PIP4K2A: variants seen among roughly 807,000 people sequenced by gnomAD.
The protein encoded by PIP4K2A is phosphatidylinositol-5-phosphate 4-kinase type 2 alpha.
PIP4K2A carries 14 observed loss-of-function variants against 42.9 expected under a neutral mutation model. The ratio of observed to expected loss-of-function variants is 0.33; its 90% CI spans 0.22 to 0.51. PIP4K2A has a LOEUF of 0.51. PIP4K2A is among the 20% of genes least tolerant of loss of function. The pLI is 0.97. For synonymous variants in PIP4K2A, 192 were observed against 192.2 expected (o/e 1.00, Z 0.01); for missense variants, 434 against 519.8 (o/e 0.83, Z 1.61).
chr10:22,550,262 G>A (rs960074857), intron 7 of PIP4K2A, among the ~76,000 whole-genome samples: 2 of 152,212 alleles, frequency 1.3e-5, no homozygotes, highest in Non-Finnish European at 2.9e-5. Context: ...TGCCAAGACT[G>A]TAATAGTGAC....
intron 1 of PIP4K2A, among the ~76,000 whole-genome samples, chr10:22,655,883 G>C (rs112425911): frequency 1.3e-5 from 2 of 152,092 alleles, no homozygotes; most frequent in African/African-American, 4.8e-5. Context: ...AGTGTGTTGT[G>C]CTGGGTGTGT....
chr10:22,664,228 T>TATACATATATATACACACAC (rs1554807358), intron 1 of PIP4K2A, among the ~76,000 whole-genome samples: 1 of 89,880 alleles, frequency 1.1e-5, no homozygotes, highest in African/African-American at 6.1e-5. Context: ...CATATATATA[T>TATACATATATATACACACAC]ACACACACAC....
intron 1 of PIP4K2A, among the ~76,000 whole-genome samples, chr10:22,645,672 G>T (rs995547049): frequency 6.6e-6 from 1 of 150,890 alleles, no homozygotes; most frequent in Admixed American, 6.6e-5. Flanking sequence ...TGAAAAACAT[G>T]AAGATAGTAC....
chr10:22,573,004 C>T (rs1252727747), intron 5 of PIP4K2A, among the ~76,000 whole-genome samples: 1 of 152,192 alleles, frequency 6.6e-6, no homozygotes, highest in East Asian at 1.9e-4. Flanking sequence ...CTGTCTTTAC[C>T]CACCAGAATG....
chr10:22,700,608 T>C (rs538443219), intron 1 of PIP4K2A, among the ~76,000 whole-genome samples: 3 of 152,344 alleles, frequency 2.0e-5, no homozygotes, highest in Admixed American at 6.5e-5. Context: ...CTCCCGCTAA[T>C]GCAGCCCCTT....
intron 1 of PIP4K2A, among the ~76,000 whole-genome samples, chr10:22,668,872 A>G (rs1000952818): frequency 6.6e-6 from 1 of 152,234 alleles, no homozygotes; most frequent in Non-Finnish European, 1.5e-5. Flanking sequence ...TAAAGAAAAA[A>G]TACCAAATAA....
At chr10:22,608,183 C>G (rs1322569400) in intron 2 of PIP4K2A, among the ~76,000 whole-genome samples, 160 bp from the exon 3 acceptor site, 1 of 152,214 alleles carries the variant, frequency 6.6e-6, no homozygotes, top group Non-Finnish European at 1.5e-5. Flanking sequence ...GCAGAAAGAT[C>G]CAGGAGACAC....
intron 1 of PIP4K2A, among the ~76,000 whole-genome samples, chr10:22,669,176 T>C (rs1482779709): frequency 1.3e-5 from 2 of 152,106 alleles, no homozygotes; most frequent in African/African-American, 2.4e-5. Context: ...GGGGAGATTT[T>C]TGGCTCACAA....
chr10:22,670,028 T>C (rs1211495359), intron 1 of PIP4K2A, among the ~76,000 whole-genome samples: 2 of 152,200 alleles, frequency 1.3e-5, no homozygotes, highest in African/African-American at 4.8e-5. Flanking sequence ...AGTGCTTCCA[T>C]TAATTGCAGT....
chr10:22,565,348 T>C (rs1368599398), intron 6 of PIP4K2A, among the ~76,000 whole-genome samples: 1 of 152,228 alleles, frequency 6.6e-6, no homozygotes, highest in African/African-American at 2.4e-5. Context: ...CAGAAGAACG[T>C]GGATTGTGAA....
At chr10:22,680,722 C>A (rs1178397591) in intron 1 of PIP4K2A, among the ~76,000 whole-genome samples, 1 of 152,146 alleles carries the variant, frequency 6.6e-6, no homozygotes, top group Non-Finnish European at 1.5e-5. Context: ...GACAGCTCAG[C>A]GAGGGCTGGT....
At chr10:22,700,108 A>G (rs1372908952) in intron 1 of PIP4K2A, among the ~76,000 whole-genome samples, 1 of 152,214 alleles carries the variant, frequency 6.6e-6, no homozygotes, top group Non-Finnish European at 1.5e-5. Flanking sequence ...AGGAGGAAGA[A>G]AACGGATACA....
At chr10:22,595,501 T>C (rs1460236750) in intron 3 of PIP4K2A, among the ~76,000 whole-genome samples, 2 of 152,178 alleles carry the variant, frequency 1.3e-5, no homozygotes, top group African/African-American at 2.4e-5. Context: ...CTCATGCCTG[T>C]AGTCTCAGCG....
At chr10:22,639,476 A>G (rs1257776976) in intron 1 of PIP4K2A, among the ~76,000 whole-genome samples, 1 of 151,106 alleles carries the variant, frequency 6.6e-6, no homozygotes, top group South Asian at 2.1e-4. Flanking sequence ...TAAGGTATGT[A>G]TATGTCCAAC....
chr10:22,664,090 C>CATATATATATATACGT (rs1839272841), intron 1 of PIP4K2A, among the ~76,000 whole-genome samples: 1 of 64,046 alleles, frequency 1.6e-5, no homozygotes, highest in African/African-American at 1.6e-4. Flanking sequence ...TATATATATA[C>CATATATATATATACGT]ATATATATAT....
At chr10:22,628,506 A>G (rs1304999590) in intron 1 of PIP4K2A, among the ~76,000 whole-genome samples, 3 of 152,342 alleles carry the variant, frequency 2.0e-5, no homozygotes, top group South Asian at 2.1e-4. Flanking sequence ...TGTGAGCCAA[A>G]TATGAGTGAC....
intron 1 of PIP4K2A, among the ~76,000 whole-genome samples, chr10:22,674,089 C>T (rs560025399): frequency 3.3e-5 from 5 of 152,244 alleles, no homozygotes; most frequent in Admixed American, 3.3e-4. Context: ...TTTTCTTCTG[C>T]TGCTTTCTCC....
At chr10:22,678,433 A>G (rs1297716691) in intron 1 of PIP4K2A, among the ~76,000 whole-genome samples, 1 of 152,140 alleles carries the variant, frequency 6.6e-6, no homozygotes, top group East Asian at 1.9e-4. Flanking sequence ...CTTAGTGGCT[A>G]TTTCCCAAAC....
chr10:22,670,508 T>C (rs116684359), intron 1 of PIP4K2A, among the ~76,000 whole-genome samples: 2,362 of 152,312 alleles, frequency 0.016, 62 homozygotes, highest in African/African-American at 0.053. Flanking sequence ...TTCACCCTCT[T>C]ACTCGGCAAT....
Sources: allele counts gnomAD v4.1 joint callset (sites outside exome capture counted in the v4.1 genomes callset), GRCh38; gene constraint gnomAD v4.1.1; transcripts MANE v1.5; gene names NCBI Gene and HGNC (gene_info 2026-07-23, HGNC 2026-07-21).